The following XPO4 variants were observed in gnomAD, a reference collection of about 807,000 sequenced individuals.
XPO4 encodes exportin 4.
A neutral mutation model predicts 143.0 loss-of-function variants in XPO4; 39 were observed. That is an observed-to-expected ratio of 0.27 (90% CI 0.21 to 0.36). The LOEUF (loss-of-function observed/expected upper bound fraction) is 0.36. Among genes scored for constraint, XPO4 ranks in the 10% least tolerant of loss-of-function variants. The pLI is 1.00. For synonymous variants in XPO4, 439 were observed against 474.0 expected (o/e 0.93, Z 0.96); for missense variants, 907 against 1,348.0 (o/e 0.67, Z 5.12).
intron 1 of XPO4, among the ~76,000 whole-genome samples, chr13:20,894,952 C>T (rs774084286): frequency 6.6e-6 from 1 of 151,564 alleles, no homozygotes; most frequent in Non-Finnish European, 1.5e-5. Context: ...CCGAGGCGAG[C>T]GGATCACCTG....
chr13:20,849,939 C>G, intron 4 of XPO4: 3 of 589,066 alleles, frequency 5.1e-6, no homozygotes. Context: ...AACCCCATCT[C>G]TACTAAAAAT....
chr13:20,868,434 G>T, intron 2 of XPO4, 162 bp downstream of exon 2: 1 of 1,135,876 alleles, frequency 8.8e-7, no homozygotes, highest in African/African-American at 1.6e-5. Context: ...TGGCTTTACA[G>T]AATATCTTTA....
intron 3 of XPO4, chr13:20,856,517 G>C: frequency 3.8e-6 from 1 of 266,244 alleles, no homozygotes; most frequent in Non-Finnish European, 5.8e-6. Context: ...CTAGCCTCTG[G>C]AATCCCACAA....
chr13:20,890,168 G>A (rs1350939666), intron 1 of XPO4, among the ~76,000 whole-genome samples: 1 of 152,224 alleles, frequency 6.6e-6, no homozygotes, highest in Admixed American at 6.5e-5. Flanking sequence ...TAAATCAGGA[G>A]CTGGGCACGG....
chr13:20,852,054 C>T, intron 4 of XPO4: 5 of 985,416 alleles, frequency 5.1e-6, no homozygotes, highest in Non-Finnish European at 6.0e-6. Context: ...GACCCTTCGC[C>T]TGCGCCGTCC....
chr13:20,851,467 G>A (rs2060085592), intron 4 of XPO4: 1 of 978,402 alleles, frequency 1.0e-6, no homozygotes, highest in South Asian at 4.7e-5. Context: ...TATAATCTTT[G>A]GGAGGCCAAG....
intron 4 of XPO4, chr13:20,851,881 A>G: frequency 1.0e-6 from 1 of 985,412 alleles, no homozygotes; most frequent in South Asian, 4.7e-5. Flanking sequence ...ATCTGTTCCA[A>G]TCATTCTCAG....
At chr13:20,824,592 T>C (rs2059761196) in intron 7 of XPO4, among the ~76,000 whole-genome samples, 1 of 152,264 alleles carries the variant, frequency 6.6e-6, no homozygotes, top group African/African-American at 2.4e-5. Flanking sequence ...AAATGCTTAA[T>C]TTTTATACAA....
intron 3 of XPO4, among the ~76,000 whole-genome samples, chr13:20,858,490 TACTG>T (rs780920807): frequency 6.6e-6 from 1 of 152,114 alleles, no homozygotes; most frequent in Non-Finnish European, 1.5e-5. Context: ...ACTGAGCCTC[TACTG>T]GAAAAAGGGT....
At chr13:20,851,448 G>C (rs1296324239) in intron 4 of XPO4, 1 of 984,780 alleles carries the variant, frequency 1.0e-6, no homozygotes, top group African/African-American at 1.7e-5. Flanking sequence ...GGCATGGTTG[G>C]CTCACACCTA....
At chr13:20,834,657 A>C (rs1566594941) in intron 6 of XPO4, among the ~76,000 whole-genome samples, 1 of 151,414 alleles carries the variant, frequency 6.6e-6, no homozygotes, top group Non-Finnish European at 1.5e-5. Flanking sequence ...AAAAAAAAAA[A>C]CCTTTAATAA....
chr13:20,864,726 T>G (rs2060229743), intron 2 of XPO4, among the ~76,000 whole-genome samples: 1 of 152,178 alleles, frequency 6.6e-6, no homozygotes, highest in African/African-American at 2.4e-5. Context: ...GGGTGTTGGA[T>G]GTGAGGGGGC....
At chr13:20,824,488 G>A (rs555690981) in intron 7 of XPO4, among the ~76,000 whole-genome samples, 57 of 152,228 alleles carry the variant, frequency 3.7e-4, no homozygotes, top group African/African-American at 1.4e-3. Flanking sequence ...TAAAAATAAA[G>A]TTAAAATAAA....
At chr13:20,801,619 T>A (rs1595069262) in intron 13 of XPO4, among the ~76,000 whole-genome samples, 1 of 152,200 alleles carries the variant, frequency 6.6e-6, no homozygotes, top group Non-Finnish European at 1.5e-5. Context: ...GTCAATCACA[T>A]AGCGTGACAT....
At chr13:20,879,323 A>G in intron 1 of XPO4, 1 of 985,110 alleles carries the variant, frequency 1.0e-6, no homozygotes, top group South Asian at 4.7e-5. Context: ...AAGAAGGGAG[A>G]AGGGAGGGAA....
Position 20,788,625 on chromosome 13 carries a change from G to T in XPO4, c.2917-9C>A. ...TTACAAAGGGTTGGAAACTGAAAAA[G>T]AAATATTCAATTATTTGGATGCTCA... is the stretch of plus-strand genomic sequence containing the variant. On this transcript the variant is annotated splice_polypyrimidine_tract_variant and intron_variant, in intron 19 of 22. Coordinates refer to ENST00000255305, the MANE Select transcript of XPO4 (RefSeq NM_022459.5). 1 of 1,578,274 alleles carries T rather than the reference G, an allele frequency of 6.3e-7. No individual in the cohort carries two copies. The highest frequency in any genetic ancestry group is 2.3e-5 in the East Asian group (1 of 43,708).
chr13:20,872,846 AAAG>A (rs2060313185), intron 1 of XPO4, among the ~76,000 whole-genome samples: 1 of 152,178 alleles, frequency 6.6e-6, no homozygotes, highest in Non-Finnish European at 1.5e-5. Flanking sequence ...GTCTGGTAGA[AAAG>A]AAAAAAATCT....
chr13:20,808,432 C>G lies in XPO4; in HGVS notation c.1639+4G>C. On this transcript the variant is annotated splice_donor_region_variant and intron_variant, in intron 12 of 22. Transcript: ENST00000255305. ...TACATTTTAAAAAGAAACCACCAAC[C>G]AACCTGTAACTAAAATAAGCCAGTG... 1 of 1,510,624 alleles carries G rather than the reference C, an allele frequency of 6.6e-7. No homozygotes were observed. Among genetic ancestry groups the G allele is most frequent in the Non-Finnish European group, 9.0e-7 (1 of 1,111,718 alleles). 93.6% of individuals were successfully genotyped at this position (1,510,624 alleles called of 1,614,324 possible).
At chr13:20,790,423 A>T in intron 19 of XPO4, 39 bp downstream of exon 19, 2 of 1,462,740 alleles carry the variant, frequency 1.4e-6, no homozygotes, top group Non-Finnish European at 1.9e-6. Flanking sequence ...AACTTCAGTT[A>T]CACATAGTGG....
Sources: gnomAD v4.1 joint callset for allele counts (sites outside exome capture counted in the v4.1 genomes callset) on GRCh38, gnomAD v4.1.1 for gene constraint, MANE v1.5 for transcripts, NCBI Gene and HGNC (gene_info 2026-07-23, HGNC 2026-07-21) for gene names.